The following ACBD5 variants were observed in gnomAD, a reference collection of about 807,000 sequenced individuals.
The protein encoded by ACBD5 is acyl-CoA-binding domain-containing protein 5.
ACBD5 carries 40 observed loss-of-function variants against 71.8 expected under a neutral mutation model. That is an observed-to-expected ratio of 0.56 (90% CI 0.43 to 0.72). The LOEUF (loss-of-function observed/expected upper bound fraction) is 0.72, where lower values mean the gene tolerates loss of function less well. ACBD5 is among the 30% of genes least tolerant of loss of function. ACBD5 has a pLI of 0.00. For synonymous variants in ACBD5, 229 were observed against 218.6 expected, an observed-to-expected ratio of 1.05 and a Z score of -0.42; for missense variants, 559 against 644.5, an observed-to-expected ratio of 0.87 and a Z score of 1.44.
rs1383619888 is a variant in ACBD5 at position 27,219,797 on chromosome 10, C to T, written c.551G>A (p.Ser184Asn). The part of the protein sequence containing the change: ...NAKTVNGKAE[S>N]SDSGAESEEE... The stretch of plus-strand genomic sequence containing the variant: ...CTCAGACTCGGCTCCACTGTCACTG[C>T]TTTCAGCTTTACCATTAACGGTTTT... Residue 184 changes from serine to asparagine, a missense_variant, in exon 6 of 13, where the codon AGC becomes AAC. By Grantham distance (46) the Ser-to-Asn change is conservative. Transcript: ENST00000396271. 2 of 1,614,108 alleles carry T rather than the reference C, an allele frequency of 1.2e-6. No homozygotes were observed. Among genetic ancestry groups the T allele is most frequent in the Admixed American group, 1.7e-5 (1 of 60,006 alleles).
At chr10:27,186,517 T>A in intron 13 of ACBD5, 1 of 1,614,018 alleles carries the variant, frequency 6.2e-7, no homozygotes, top group Non-Finnish European at 8.5e-7. Context: ...CACCTGACTG[T>A]ATCTGGATTT....
intron 10 of ACBD5, 70 bp downstream of exon 10, chr10:27,208,176 T>C: frequency 7.0e-7 from 1 of 1,434,958 alleles, no homozygotes; most frequent in African/African-American, 1.4e-5. Context: ...GTCAATATGA[T>C]CAACGCAGAC....
rs560860656 is a variant in ACBD5 at position 27,215,081 on chromosome 10, T to C, written c.936+454A>G. 2.1e-3 allele frequency among the ~76,000 whole-genome samples: 321 copies of C among 152,180 alleles called. 4 individuals are homozygous for C. Among genetic ancestry groups the C allele is most frequent in the African/African-American group, 7.5e-3 (310 of 41,512 alleles). On this transcript the variant is annotated intron_variant, in intron 8 of 12. Coordinates refer to ENST00000396271, the MANE Select transcript of ACBD5 (RefSeq NM_145698.5). ...TGGGAGGCTGAGGCAGGAGAATTGC[T>C]TGAACCTAGGAGGCGGAGGTTGCAG...
At chr10:27,217,680 T>TG (rs1242573033) in intron 7 of ACBD5, among the ~76,000 whole-genome samples, 3 of 151,878 alleles carry the variant, frequency 2.0e-5, no homozygotes, top group African/African-American at 7.3e-5. Context: ...CTGGGCATGA[T>TG]GGTACATGCC....
chr10:27,189,076 T>C (rs1374494162), intron 13 of ACBD5, among the ~76,000 whole-genome samples: 1 of 152,216 alleles, frequency 6.6e-6, no homozygotes, highest in African/African-American at 2.4e-5. Flanking sequence ...TAGAGTCTTA[T>C]CTACCAGGGA....
At chr10:27,237,314 T>A (rs1344482140) in intron 2 of ACBD5, among the ~76,000 whole-genome samples, 1 of 152,178 alleles carries the variant, frequency 6.6e-6, no homozygotes, top group Non-Finnish European at 1.5e-5. Flanking sequence ...ATGATGTACT[T>A]CATATGTATT....
At chr10:27,182,907 C>T (rs1472028165) in intron 13 of ACBD5, among the ~76,000 whole-genome samples, 1 of 151,946 alleles carries the variant, frequency 6.6e-6, no homozygotes. Flanking sequence ...CTCAGCCTCC[C>T]CAAAATGCTG....
At position 27,197,288 on chromosome 10, in the gene ACBD5, A is replaced by G; in HGVS notation, c.*142T>C. On this transcript the variant is annotated 3_prime_UTR_variant, in exon 13 of 13. Transcript: ENST00000396271. ...TGTGTAGTGCAAAATATATATGTGT[A>G]TATATGTACACAAACTAAACTACTG... The G allele has an allele frequency of 1.3e-6, 1 of 767,644 alleles. No homozygotes were observed. Among genetic ancestry groups the G allele is most frequent in the Non-Finnish European group, 2.3e-6 (1 of 431,888 alleles). The allele number at this position is 767,644 out of a possible 1,614,324, so 47.6% of individuals were successfully genotyped here.
chr10:27,237,429 C>A (rs1365961712), intron 2 of ACBD5, among the ~76,000 whole-genome samples: 1 of 152,050 alleles, frequency 6.6e-6, no homozygotes, highest in African/African-American at 2.4e-5. Flanking sequence ...GATTGAGAAA[C>A]AAGGAACAAA....
Position 27,211,047 on chromosome 10 carries a change from A to G in ACBD5, c.971T>C (p.Phe324Ser). ...GGAATGACCACCCAAGTAATACTGA[A>G]ATGGTCCATTGTTGGACGTAAAGCT... is the stretch of plus-strand genomic sequence containing the variant. Reference protein sequence around the residue: ...LDSFTSNNGPFQYYLGGHSSQ... With the variant: ...LDSFTSNNGPSQYYLGGHSSQ... Residue 324 changes from phenylalanine (F) to serine (S), a missense_variant, in exon 9 of 13, where the codon TTT becomes TCT. Coordinates refer to ENST00000396271, the MANE Select transcript of ACBD5 (RefSeq NM_145698.5). 1 of 1,614,204 alleles carries G rather than the reference A, an allele frequency of 6.2e-7. No homozygotes were observed. Among genetic ancestry groups the G allele is most frequent in the Non-Finnish European group, 8.5e-7 (1 of 1,180,038 alleles).
At position 27,215,583 on chromosome 10, in the gene ACBD5, T is replaced by A; in HGVS notation, c.888A>T (p.Ser296=). ...TAGAATCACAGTAAACTTCACTGTC[T>A]GAATCGCTTGTCAAATGCTGAATTC... is the stretch of plus-strand genomic sequence containing the variant. ...VTGIQHLTSD[S]DSEVYCDSME... Residue 296 remains serine (S), a synonymous_variant, in exon 8 of 13, where the codon TCA becomes TCT. Coordinates refer to ENST00000396271, the MANE Select transcript of ACBD5 (RefSeq NM_145698.5). 1.2e-6 allele frequency: 2 copies of A among 1,613,674 alleles called. No individual in the cohort carries two copies. Among genetic ancestry groups the A allele is most frequent in the Non-Finnish European group, 1.7e-6 (2 of 1,179,772 alleles).
At position 27,196,215 on chromosome 10, in the gene ACBD5, T is replaced by A. The variant is rs1295334530; in HGVS notation, c.*1215A>T. On this transcript the variant is annotated 3_prime_UTR_variant, in exon 13 of 13. Coordinates refer to ENST00000396271, the MANE Select transcript of ACBD5 (RefSeq NM_145698.5). ...AACTCCATTTAAAAAAAAAAATTAT[T>A]TGTTACAAAGACTGCATCAAAGAAA... 1 of 453,782 alleles carries A rather than the reference T, an allele frequency of 2.2e-6. No homozygotes were observed. Among genetic ancestry groups the A allele is most frequent in the African/African-American group, 2.0e-5 (1 of 50,046 alleles). The allele number at this position is 453,782 out of a possible 1,614,324, so 28.1% of individuals were successfully genotyped here. A position where few individuals can be genotyped will look rare whatever the true frequency, so the allele number is the denominator to read the frequency against.
intron 4 of ACBD5, among the ~76,000 whole-genome samples, chr10:27,231,410 G>A (rs912088185): frequency 2.0e-5 from 3 of 152,118 alleles, no homozygotes; most frequent in East Asian, 1.9e-4. Flanking sequence ...CCAGCTACTC[G>A]GGAGGCTGTG....
chr10:27,198,498 A>C (rs1297370721), intron 12 of ACBD5, among the ~76,000 whole-genome samples: 2 of 152,188 alleles, frequency 1.3e-5, no homozygotes, highest in African/African-American at 4.8e-5. Context: ...GGCAGGAGTG[A>C]TATTTTAAAC....
chr10:27,209,686 T>C (rs753086443), intron 9 of ACBD5, among the ~76,000 whole-genome samples: 1 of 152,224 alleles, frequency 6.6e-6, no homozygotes, highest in Non-Finnish European at 1.5e-5. Context: ...GAAATCTCAC[T>C]ACTATTAAGA....
intron 10 of ACBD5, among the ~76,000 whole-genome samples, chr10:27,205,715 A>C (rs1036252008): frequency 2.6e-5 from 4 of 151,426 alleles, no homozygotes; most frequent in Admixed American, 2.0e-4. Context: ...GTGTGGTGGC[A>C]CCATAGTTGT....
At chr10:27,219,316 C>G (rs28409511) in intron 6 of ACBD5, among the ~76,000 whole-genome samples, 1 of 149,780 alleles carries the variant, frequency 6.7e-6, no homozygotes, top group African/African-American at 2.4e-5. Context: ...CATAAAAAAA[C>G]AAAAAAAAAA....
At chr10:27,238,256 C>A (rs1022908563) in intron 2 of ACBD5, among the ~76,000 whole-genome samples, 1 of 152,118 alleles carries the variant, frequency 6.6e-6, no homozygotes, top group African/African-American at 2.4e-5. Context: ...GGATTACAGG[C>A]GTGAGCCACC....
chr10:27,208,441 A>G lies in ACBD5; in HGVS notation c.1209T>C (p.His403=). 7 of 1,613,654 alleles carry G rather than the reference A, an allele frequency of 4.3e-6. No individual in the cohort carries two copies. The highest frequency in any genetic ancestry group is 5.1e-6 in the Non-Finnish European group (6 of 1,180,022). The part of the protein sequence containing the change: ...EFSNVRRGRG[H]RMQHLSEGTK... ...TTCCTTCGCTCAAGTGTTGCATCCTATGTCCTATTTTAAGAGGCAAAAATA... is the reference window on the plus strand; with the variant it reads ...TTCCTTCGCTCAAGTGTTGCATCCTGTGTCCTATTTTAAGAGGCAAAAATA... Residue 403 remains histidine (H), a synonymous_variant, in exon 10 of 13, where the codon CAT becomes CAC. Coordinates refer to ENST00000396271, the MANE Select transcript of ACBD5 (RefSeq NM_145698.5).
Sources: allele counts gnomAD v4.1 joint callset (sites outside exome capture counted in the v4.1 genomes callset), GRCh38; gene constraint gnomAD v4.1.1; transcripts MANE v1.5; gene names NCBI Gene and HGNC (gene_info 2026-07-23, HGNC 2026-07-21).